BAHCC1: variants seen among roughly 807,000 people sequenced by gnomAD.
The protein encoded by BAHCC1 is BAH domain and coiled-coil containing 1.
Under a neutral mutation model 88.2 loss-of-function variants are expected in BAHCC1, and 43 were observed. The observed-to-expected ratio is 0.49, with a 90% CI of 0.38 to 0.63. The LOEUF (loss-of-function observed/expected upper bound fraction) is 0.63, where lower values mean the gene tolerates loss of function less well. Ranked by LOEUF, BAHCC1 falls within the 20% of genes least tolerant of loss-of-function variation. The pLI is 0.00. For synonymous variants in BAHCC1, 1,510 were observed against 745.5 expected, an observed-to-expected ratio of 2.03 and a Z score of -16.71; for missense variants, 3,023 against 1,654.8, an observed-to-expected ratio of 1.83 and a Z score of -14.34.
intron 2 of BAHCC1, among the ~76,000 whole-genome samples, chr17:81,408,562 C>G (rs781923944): frequency 6.6e-6 from 1 of 152,140 alleles, no homozygotes; most frequent in Non-Finnish European, 1.5e-5. Flanking sequence ...CTGATCCCGG[C>G]GTCACATCCT....
intron 2 of BAHCC1, among the ~76,000 whole-genome samples, chr17:81,423,279 C>T (rs2064136876): frequency 6.6e-6 from 1 of 152,220 alleles, no homozygotes. Flanking sequence ...GGGAAGGGGC[C>T]TTGGGGGCCC....
At position 81,463,887 on chromosome 17, in the gene BAHCC1, A is replaced by G. The variant is rs554614577; in HGVS notation, c.*70A>G. On this transcript the variant is annotated 3_prime_UTR_variant, in exon 28 of 28. Coordinates refer to ENST00000675386, the MANE Select transcript of BAHCC1 (RefSeq NM_001377448.1). ...TGCGGAGCCTGGCGTCGGCCAAGCC[A>G]CCGGGCAGGAGGCAGCCCCGGCCTC... is the stretch of plus-strand genomic sequence containing the variant. 4.7e-4 allele frequency: 324 copies of G among 690,206 alleles called. 1 individual carries two copies. The African/African-American group carries it at 4.9e-3, about 11-fold the overall frequency. The allele number at this position is 690,206 out of a possible 1,614,324, so 42.8% of individuals were successfully genotyped here. A position where few individuals can be genotyped will look rare whatever the true frequency, so the allele number is the denominator to read the frequency against.
chr17:81,437,118 A>C (rs1205095431), intron 3 of BAHCC1, among the ~76,000 whole-genome samples: 1 of 152,132 alleles, frequency 6.6e-6, no homozygotes, highest in Non-Finnish European at 1.5e-5. Context: ...TTTTCCAGGG[A>C]AGATTCAGAG....
At position 81,435,124 on chromosome 17, in the gene BAHCC1, A is replaced by C. The variant is rs2064318210; in HGVS notation, c.359-3246A>C. Reference sequence around the variant, plus strand: ...CACCCCCGACCCCCACTGACTGCCCACTCTCTCTCCTCCTGCCCACACCAC... The same window carrying C: ...CACCCCCGACCCCCACTGACTGCCCCCTCTCTCTCCTCCTGCCCACACCAC... On this transcript the variant is annotated intron_variant, in intron 3 of 27. Coordinates refer to ENST00000675386, the MANE Select transcript of BAHCC1 (RefSeq NM_001377448.1). This position sits in a 1 kb window ranked among gnomAD's most constrained non-coding sequence, Gnocchi z 4.4. Among the ~76,000 whole-genome samples, 1 of 148,728 alleles carries C rather than the reference A, an allele frequency of 6.7e-6. No homozygotes were observed. The highest frequency in any genetic ancestry group is 1.5e-5 in the Non-Finnish European group (1 of 67,066).
chr17:81,441,673 A>AC (rs1220036107), intron 4 of BAHCC1, among the ~76,000 whole-genome samples, 158 bp from the exon 5 acceptor site: 1 of 151,214 alleles, frequency 6.6e-6, no homozygotes, highest in Non-Finnish European at 1.5e-5. Context: ...CGTCTCAAAA[A>AC]AAAAAAAAAA....
intron 3 of BAHCC1, among the ~76,000 whole-genome samples, chr17:81,432,560 C>T (rs2064274461): frequency 6.9e-6 from 1 of 145,226 alleles, no homozygotes; most frequent in Non-Finnish European, 1.5e-5. Context: ...CCCACCCTCC[C>T]TCCCATCGCC....
In BAHCC1 at chr17:81,447,235, A is replaced by G; in HGVS notation, c.3363A>G (p.Ser1121=). 1 of 724,798 alleles carries G rather than the reference A, an allele frequency of 1.4e-6. No individual in the cohort carries two copies. 44.9% of individuals were successfully genotyped at this position (724,798 alleles called of 1,614,324 possible). The change falls in exon 11 of 28, where the codon TCA becomes TCG. Residue 1121 remains serine, a synonymous_variant. Transcript: ENST00000675386. ...GCCTGGAGGAGCCCGGGCTGCTCTC[A>G]GGGGCCAGGGAGGCCACCCAGGACC... The part of the protein sequence containing the change: ...PRSLEEPGLL[S]GAREATQDLA...
chr17:81,463,826 C>A lies in BAHCC1; in HGVS notation c.*9C>A. 1 of 713,396 alleles carries A rather than the reference C, an allele frequency of 1.4e-6. No homozygotes were observed. Among genetic ancestry groups the A allele is most frequent in the Non-Finnish European group, 2.6e-6 (1 of 390,624 alleles). 44.2% of individuals were successfully genotyped at this position (713,396 alleles called of 1,614,324 possible). On this transcript the variant is annotated 3_prime_UTR_variant, in exon 28 of 28. Transcript: ENST00000675386. ...TGCCCATCCTATGCTGAGCCGCCCA[C>A]CGCAGATGCCTCCCACGTGCGCCAG...
chr17:81,428,308 C>G (rs997698833), intron 3 of BAHCC1, among the ~76,000 whole-genome samples: 13 of 152,340 alleles, frequency 8.5e-5, no homozygotes, highest in African/African-American at 2.9e-4. Context: ...CCCCGGCCAG[C>G]CACAGCATCT....
At chr17:81,418,515 C>T (rs1397825564) in intron 2 of BAHCC1, among the ~76,000 whole-genome samples, 5 of 152,124 alleles carry the variant, frequency 3.3e-5, no homozygotes, top group Non-Finnish European at 5.9e-5. Flanking sequence ...CTGAGGCCCC[C>T]CTCTACCACC....
chr17:81,443,906 G>A lies in BAHCC1; in HGVS notation c.2313G>A (p.Glu771=). ...CDDRLGLASR[E]LLLQDSKDRV... ...ACCGCCTGGGGCTTGCCAGCCGCGA[G>A]CTGCTGCTGCAGTGAGAGCTGGGCC... Residue 771 remains glutamate (E), a synonymous_variant, in exon 6 of 28, where the codon GAG becomes GAA. Coordinates refer to ENST00000675386, the MANE Select transcript of BAHCC1 (RefSeq NM_001377448.1). The A allele has an allele frequency of 2.8e-6, 2 of 711,392 alleles. No homozygotes were observed. The allele number at this position is 711,392 out of a possible 1,614,324, so 44.1% of individuals were successfully genotyped here.
intron 2 of BAHCC1, among the ~76,000 whole-genome samples, chr17:81,417,953 C>T (rs975941198): frequency 1.3e-5 from 2 of 152,250 alleles, no homozygotes; most frequent in Admixed American, 6.5e-5. Context: ...CCCATCCTTT[C>T]GCACCTCGTT....
rs900033604 is a variant in BAHCC1, at chr17:81,459,388, G to A, written c.5796+60G>A. On this transcript the variant is annotated intron_variant, in intron 22 of 27. Coordinates refer to ENST00000675386, the MANE Select transcript of BAHCC1 (RefSeq NM_001377448.1). Reference sequence around the variant, plus strand: ...CTGGCTGGCTTGTCCCAGGACAAAGGAAGGCCTTGGCCTGGGCCGCAGCCA... The same window carrying A: ...CTGGCTGGCTTGTCCCAGGACAAAGAAAGGCCTTGGCCTGGGCCGCAGCCA... 9 of 762,246 alleles carry A rather than the reference G, an allele frequency of 1.2e-5. No homozygotes were observed. In the Admixed American group the frequency reaches 1.6e-4, roughly 13 times the overall value. 47.2% of individuals were successfully genotyped at this position (762,246 alleles called of 1,614,324 possible). A position where few individuals can be genotyped will look rare whatever the true frequency, so the allele number is the denominator to read the frequency against.
At position 81,434,092 on chromosome 17, in the gene BAHCC1, T is replaced by G. The variant is rs572962499; in HGVS notation, c.359-4278T>G. 6.6e-6 allele frequency among the ~76,000 whole-genome samples: 1 copy of G among 151,482 alleles called. No homozygotes were observed. The highest frequency in any genetic ancestry group is 2.1e-4 in the South Asian group (1 of 4,790). On this transcript the variant is annotated intron_variant, in intron 3 of 27. Coordinates refer to ENST00000675386, the MANE Select transcript of BAHCC1 (RefSeq NM_001377448.1). The surrounding 1 kb of genome is among the most constrained non-coding windows in gnomAD (Gnocchi z 4.9). ...TCCCGGGACTCCCCTGGGGTCACTG[T>G]GGGGGGAGTAACAGGGGATCTGGCA...
intron 15 of BAHCC1, among the ~76,000 whole-genome samples, chr17:81,455,957 G>T (rs1165709067): frequency 2.0e-5 from 3 of 152,174 alleles, no homozygotes; most frequent in African/African-American, 7.2e-5. Context: ...TGCCCAGGGG[G>T]CTGATCCTTC....
chr17:81,447,338 G>A lies in BAHCC1; in HGVS notation c.3466G>A (p.Glu1156Lys). The A allele has an allele frequency of 4.0e-6, 3 of 748,248 alleles. No individual in the cohort carries two copies. The highest frequency in any genetic ancestry group is 2.8e-5 in the South Asian group (2 of 70,362). The allele number at this position is 748,248 out of a possible 1,614,324, so 46.4% of individuals were successfully genotyped here. A position where few individuals can be genotyped will look rare whatever the true frequency, so the allele number is the denominator to read the frequency against. The change falls in exon 11 of 28, where the codon GAA (glutamate) becomes AAA (lysine). Residue 1156 changes from glutamate (E) to lysine (K), a missense_variant. By Grantham distance (56) the Glu-to-Lys change is moderately conservative (BLOSUM62 1). Transcript: ENST00000675386. The stretch of plus-strand genomic sequence containing the variant: ...CCCCAGCCCACTAGAGGGGCTACAA[G>A]AACTGCAATGTGCGGCCCTCCTGGA... ...ADPSPLEGLQ[E>K]LQCAALLEAG...
chr17:81,416,627 A>T (rs1169207567), intron 2 of BAHCC1, among the ~76,000 whole-genome samples: 1 of 152,002 alleles, frequency 6.6e-6, no homozygotes, highest in Non-Finnish European at 1.5e-5. Flanking sequence ...TGTGTCCATG[A>T]GGATGGGTGT....
rs560064223 is a variant in BAHCC1 at position 81,399,244 on chromosome 17, C to T, written c.-206-290C>T. 921 of 407,056 alleles carry T rather than the reference C, an allele frequency of 2.3e-3. 13 individuals are homozygous for T. The highest frequency in any genetic ancestry group is 0.015 in the South Asian group (901 of 60,242). 25.2% of individuals were successfully genotyped at this position (407,056 alleles called of 1,614,324 possible). ...CCGCGGCGCCCTAGCTGCAGGGACC[C>T]GCGGGGACGAGAACGGGAGGCGGCG... is the stretch of plus-strand genomic sequence containing the variant. On this transcript the variant is annotated intron_variant, in intron 1 of 27. Transcript: ENST00000675386. The surrounding 1 kb of genome is among the most constrained non-coding windows in gnomAD (Gnocchi z 4.5).
intron 2 of BAHCC1, among the ~76,000 whole-genome samples, chr17:81,419,776 A>G (rs1330790748): frequency 1.4e-5 from 2 of 145,234 alleles, no homozygotes; most frequent in East Asian, 4.1e-4. Context: ...AGCTGCCGCC[A>G]TCTCAACGAG....
Sources: gnomAD v4.1 joint callset for allele counts (sites outside exome capture counted in the v4.1 genomes callset) on GRCh38, gnomAD v4.1.1 for gene constraint, Gnocchi (gnomAD v3.1) non-coding constraint, MANE v1.5 for transcripts, NCBI Gene and HGNC (gene_info 2026-07-23, HGNC 2026-07-21) for gene names.